Variants in DYNC1I1 observed in about 807,000 individuals in gnomAD.
DYNC1I1 encodes dynein cytoplasmic 1 intermediate chain 1.
A neutral mutation model predicts 86.6 loss-of-function variants in DYNC1I1; 43 were observed. That is an observed-to-expected ratio of 0.50 (90% CI 0.39 to 0.64). The LOEUF (loss-of-function observed/expected upper bound fraction) is 0.64. DYNC1I1 is among the 30% of genes least tolerant of loss of function. DYNC1I1 has a pLI of 0.00. For synonymous variants in DYNC1I1, 262 were observed against 283.7 expected, an observed-to-expected ratio of 0.92 and a Z score of 0.77; for missense variants, 604 against 788.8, an observed-to-expected ratio of 0.77 and a Z score of 2.81.
intron 6 of DYNC1I1, among the ~76,000 whole-genome samples, chr7:95,920,824 G>T (rs1791591064): frequency 6.6e-6 from 1 of 152,158 alleles, no homozygotes; most frequent in African/African-American, 2.4e-5. Flanking sequence ...GAATACCATG[G>T]TTGCCTTTGC....
At chr7:96,100,368 C>CT (rs11484295), downstream of DYNC1I1, among the ~76,000 whole-genome samples, 2,998 of 141,364 alleles carry the variant, frequency 0.021, 44 homozygotes, top group East Asian at 0.048. Flanking sequence ...TCCTTCCTTC[C>CT]TTCCTTCCTT....
chr7:95,863,821 A>G (rs888023481), intron 5 of DYNC1I1, among the ~76,000 whole-genome samples: 3 of 152,180 alleles, frequency 2.0e-5, no homozygotes, highest in Admixed American at 6.5e-5. Context: ...AGCTCTTTTC[A>G]GAACATGTGG....
intron 6 of DYNC1I1, among the ~76,000 whole-genome samples, chr7:95,966,892 A>T (rs1417680690): frequency 2.0e-5 from 3 of 152,234 alleles, no homozygotes; most frequent in African/African-American, 7.2e-5. Context: ...GCACGGGGTG[A>T]GTGTAGACAA....
intron 15 of DYNC1I1, among the ~76,000 whole-genome samples, chr7:96,076,964 T>C (rs965880578): frequency 2.6e-5 from 4 of 152,230 alleles, no homozygotes; most frequent in Non-Finnish European, 5.9e-5. Flanking sequence ...ACTGAGTTGC[T>C]AATTCAGCTA....
At chr7:95,935,925 G>A (rs929394294) in intron 6 of DYNC1I1, among the ~76,000 whole-genome samples, 2 of 151,974 alleles carry the variant, frequency 1.3e-5, no homozygotes, top group African/African-American at 4.8e-5. Context: ...ATACCTGCTA[G>A]CATGGTTATT....
intron 5 of DYNC1I1, among the ~76,000 whole-genome samples, chr7:95,832,293 T>A: frequency 6.7e-6 from 1 of 148,846 alleles, no homozygotes; most frequent in Admixed American, 6.7e-5. Context: ...ACAAAGGACA[T>A]GAACTCATCA....
intron 10 of DYNC1I1, among the ~76,000 whole-genome samples, chr7:96,022,869 C>CAATAATAAT (rs578184278): frequency 7.4e-4 from 112 of 150,548 alleles, no homozygotes; most frequent in African/African-American, 2.6e-3. Flanking sequence ...GACCTTGTCT[C>CAATAATAAT]AATAATAATA....
intron 6 of DYNC1I1, among the ~76,000 whole-genome samples, chr7:95,972,965 A>C (rs1291100195): frequency 6.6e-6 from 1 of 152,208 alleles, no homozygotes; most frequent in Non-Finnish European, 1.5e-5. Flanking sequence ...AAAAGATGCC[A>C]TTGTTTAGAA....
intron 14 of DYNC1I1, among the ~76,000 whole-genome samples, chr7:96,041,496 A>G (rs1223092034): frequency 6.6e-6 from 1 of 152,222 alleles, no homozygotes; most frequent in Non-Finnish European, 1.5e-5. Flanking sequence ...CAAAAATAAG[A>G]CAGAAGACAT....
chr7:95,804,575 C>A, intron 1 of DYNC1I1, 146 bp from the exon 2 acceptor site: 1 of 1,012,950 alleles, frequency 9.9e-7, no homozygotes, highest in Non-Finnish European at 1.4e-6. Flanking sequence ...TTCTTTGATT[C>A]TTTCACATAG....
chr7:95,943,335 C>A (rs1792293497), intron 6 of DYNC1I1, among the ~76,000 whole-genome samples: 1 of 151,574 alleles, frequency 6.6e-6, no homozygotes, highest in South Asian at 2.1e-4. Flanking sequence ...AGGACCTCTT[C>A]AAGGAGAACT....
At chr7:95,803,739 G>T (rs1794637525) in intron 1 of DYNC1I1, among the ~76,000 whole-genome samples, 1 of 152,128 alleles carries the variant, frequency 6.6e-6, no homozygotes, top group Admixed American at 6.5e-5. Context: ...GACATTTACG[G>T]TTAGTCAATT....
intron 6 of DYNC1I1, among the ~76,000 whole-genome samples, chr7:95,933,063 G>A (rs2116416034): frequency 6.6e-6 from 1 of 151,866 alleles, no homozygotes; most frequent in African/African-American, 2.4e-5. Flanking sequence ...AAATGTTTTA[G>A]TAGAGATGGG....
chr7:95,909,252 G>A (rs1289739445), intron 6 of DYNC1I1, among the ~76,000 whole-genome samples: 1 of 108,688 alleles, frequency 9.2e-6, no homozygotes, highest in African/African-American at 3.4e-5. Context: ...GTGGGGGGGG[G>A]GGGCGGGGCG....
intron 14 of DYNC1I1, among the ~76,000 whole-genome samples, chr7:96,050,274 G>A (rs1406103690): frequency 1.3e-5 from 2 of 152,140 alleles, no homozygotes; most frequent in Non-Finnish European, 2.9e-5. Context: ...CTATAGAGAA[G>A]TCCATATGAA....
intron 6 of DYNC1I1, among the ~76,000 whole-genome samples, chr7:95,954,530 G>C (rs1243562827): frequency 6.6e-6 from 1 of 151,886 alleles, no homozygotes; most frequent in Non-Finnish European, 1.5e-5. Flanking sequence ...GCATTTAAGG[G>C]CATAAGCAAT....
chr7:95,948,042 A>C (rs1792452647), intron 6 of DYNC1I1, among the ~76,000 whole-genome samples: 2 of 147,402 alleles, frequency 1.4e-5, no homozygotes, highest in Non-Finnish European at 1.5e-5. Flanking sequence ...TTTTGTGGTA[A>C]ACAGAGCTGA....
intron 6 of DYNC1I1, among the ~76,000 whole-genome samples, chr7:95,953,414 GAA>G (rs1282514288): frequency 8.6e-5 from 13 of 151,758 alleles, no homozygotes; most frequent in African/African-American, 2.4e-4. Context: ...AGGAAAGAAA[GAA>G]AGAGAGAGAG....
intron 16 of DYNC1I1, among the ~76,000 whole-genome samples, chr7:96,089,373 G>A (rs1790773205): frequency 6.6e-6 from 1 of 151,938 alleles, no homozygotes; most frequent in Non-Finnish European, 1.5e-5. Flanking sequence ...ATATTTGATG[G>A]GTGAATGAAT....
Sources: allele counts gnomAD v4.1 joint callset (sites outside exome capture counted in the v4.1 genomes callset), GRCh38; gene constraint gnomAD v4.1.1; transcripts MANE v1.5; gene names NCBI Gene and HGNC (gene_info 2026-07-23, HGNC 2026-07-21).